The following SNED1 variants were observed in gnomAD, a reference collection of about 807,000 sequenced individuals.
SNED1 encodes sushi, nidogen and EGF like domains 1, also known as sushi, nidogen and EGF-like domain-containing protein 1.
In SNED1, 81 loss-of-function variants were observed where a neutral mutation model predicts 166.7. The observed-to-expected ratio is 0.49, with a 90% CI of 0.41 to 0.58. The LOEUF (loss-of-function observed/expected upper bound fraction) is 0.58, where lower values mean the gene tolerates loss of function less well. SNED1 is among the 20% of genes least tolerant of loss of function. SNED1 has a pLI of 0.00. For missense variants in SNED1, 1,604 were observed against 2,000.2 expected (o/e 0.80, Z 3.78); for synonymous variants, 762 against 822.0 (o/e 0.93, Z 1.25).
intron 21 of SNED1, among the ~76,000 whole-genome samples, chr2:241,066,425 C>A (rs1179262663): frequency 6.6e-6 from 1 of 152,170 alleles, no homozygotes; most frequent in African/African-American, 2.4e-5. Flanking sequence ...TCCACGGAGC[C>A]CGGCCGCATC....
At position 241,040,084 on chromosome 2, in the gene SNED1, CCT is replaced by C. The variant is rs1377707975; in HGVS notation, c.1056_1057del (p.Cys353Ter). ...CACCTCCTCACTCTAGCCCAATCCC[CCT>C]GTGACACCAAAGAGTGTCAACATGG... On this transcript the variant is annotated frameshift_variant, in exon 7 of 32. Coordinates refer to ENST00000310397, the MANE Select transcript of SNED1 (RefSeq NM_001080437.3). LOFTEE classifies it high-confidence loss of function. The C allele has an allele frequency of 6.3e-7, 1 of 1,582,584 alleles. No homozygotes were observed. The highest frequency in any genetic ancestry group is 8.6e-7 in the Non-Finnish European group (1 of 1,163,948).
At position 241,069,857 on chromosome 2, in the gene SNED1, C is replaced by T. The variant is rs963955517; in HGVS notation, c.3308-63C>T. On this transcript the variant is annotated intron_variant, in intron 23 of 31. Coordinates refer to ENST00000310397, the MANE Select transcript of SNED1 (RefSeq NM_001080437.3). This position sits in a 1 kb window ranked among gnomAD's most constrained non-coding sequence, Gnocchi z 4.9. ...GGCAGCCCATGTCCGGTTCTCAAACCGTGTTCTTGCCAGAAGACCCTGTGG... is the reference window on the plus strand; with the variant it reads ...GGCAGCCCATGTCCGGTTCTCAAACTGTGTTCTTGCCAGAAGACCCTGTGG... 30 of 1,560,344 alleles carry T rather than the reference C, an allele frequency of 1.9e-5. No homozygotes were observed. The highest frequency in any genetic ancestry group is 2.7e-5 in the African/African-American group (2 of 73,694).
At chr2:240,997,789 G>A (rs1316786815), upstream of SNED1, among the ~76,000 whole-genome samples, 3 of 152,132 alleles carry the variant, frequency 2.0e-5, no homozygotes, top group African/African-American at 7.2e-5. Context: ...ACGGTGGGCC[G>A]GGTGAGTTCC....
intron 31 of SNED1, chr2:241,088,707 T>G (rs1228365046): frequency 1.3e-5 from 5 of 398,022 alleles, no homozygotes; most frequent in African/African-American, 2.1e-5. Context: ...CTAGATCAGC[T>G]GCAGTGGGAG....
intron 1 of SNED1, among the ~76,000 whole-genome samples, chr2:241,012,874 C>T (rs1297181035): frequency 1.4e-5 from 2 of 141,512 alleles, no homozygotes; most frequent in Non-Finnish European, 3.0e-5. Flanking sequence ...CTCGCTCTTT[C>T]GCCCAGGCTG....
In SNED1 at chr2:241,049,073, A is replaced by G. The variant is rs777687606; in HGVS notation, c.1556A>G (p.Tyr519Cys). 3 of 1,613,636 alleles carry G rather than the reference A, an allele frequency of 1.9e-6. No individual in the cohort carries two copies. The highest frequency in any genetic ancestry group is 2.7e-5 in the African/African-American group (2 of 74,940). The change falls in exon 11 of 32, where the codon TAC becomes TGC. Residue 519 changes from tyrosine (Y) to cysteine (C), a missense_variant. By Grantham distance (194) the Tyr-to-Cys change is radical. This residue lies in a region of SNED1 where 1,237 missense variants were observed against 1,620.8 expected (regional missense o/e 0.76). Coordinates refer to ENST00000310397, the MANE Select transcript of SNED1 (RefSeq NM_001080437.3). The stretch of plus-strand genomic sequence containing the variant: ...AACACACAGTGCCCAGATGGGGGCT[A>G]CTGCATGGAGCACGGCGGGAGCTAC... ...NMNTQCPDGGYCMEHGGSYLC... is the reference protein window; with the variant it reads ...NMNTQCPDGGCCMEHGGSYLC...
intron 2 of SNED1, among the ~76,000 whole-genome samples, chr2:241,030,902 T>G (rs1318350456): frequency 6.6e-6 from 1 of 152,226 alleles, no homozygotes; most frequent in African/African-American, 2.4e-5. Flanking sequence ...TTTATACCCT[T>G]CCTTGATAAT....
Position 241,033,719 on chromosome 2 carries a change from C to G in SNED1, c.502-16C>G, listed in dbSNP as rs370729352. 1 of 1,607,440 alleles carries G rather than the reference C, an allele frequency of 6.2e-7. No homozygotes were observed. Among genetic ancestry groups the G allele is most frequent in the Non-Finnish European group, 8.5e-7 (1 of 1,177,618 alleles). On this transcript the variant is annotated splice_polypyrimidine_tract_variant and intron_variant, in intron 2 of 31. Transcript: ENST00000310397. ...AGGGGAGTGCAGGGCCCTGTTCAGCCCCCTCTCCCCGGCAGGTCAACACAT... is the reference window on the plus strand; with the variant it reads ...AGGGGAGTGCAGGGCCCTGTTCAGCGCCCTCTCCCCGGCAGGTCAACACAT...
At chr2:241,006,102 G>A (rs2060215081) in intron 1 of SNED1, among the ~76,000 whole-genome samples, 1 of 151,990 alleles carries the variant, frequency 6.6e-6, no homozygotes, top group Non-Finnish European at 1.5e-5. Flanking sequence ...TTTTTTGCCT[G>A]TCCTTCATTT....
In SNED1 at chr2:241,049,837, T is replaced by C. The variant is rs1350779033; in HGVS notation, c.1639T>C (p.Ser547Pro). 1 of 1,613,660 alleles carries C rather than the reference T, an allele frequency of 6.2e-7. No homozygotes were observed. The highest frequency in any genetic ancestry group is 8.5e-7 in the Non-Finnish European group (1 of 1,179,766). The change falls in exon 12 of 32, where the codon TCG (serine) becomes CCG (proline). Residue 547 changes from serine to proline, a missense_variant. Coordinates refer to ENST00000310397, the MANE Select transcript of SNED1 (RefSeq NM_001080437.3). ...ASHSLPSPCD[S>P]DPCFNGGSCD... Reference sequence around the variant, plus strand: ...CCCAGCCCTGCCATCACCCTGCGACTCGGACCCCTGCTTCAACGGAGGCTC... The same window carrying C: ...CCCAGCCCTGCCATCACCCTGCGACCCGGACCCCTGCTTCAACGGAGGCTC...
chr2:241,011,400 C>T (rs2060397519), intron 1 of SNED1, among the ~76,000 whole-genome samples: 1 of 152,014 alleles, frequency 6.6e-6, no homozygotes, highest in Admixed American at 6.5e-5. Context: ...CCCCAGACCC[C>T]AGCAGACAAA....
In SNED1 at chr2:241,094,041, G is replaced by A; in HGVS notation, c.*2405G>A. ...GGGTACAACAACAGCCTAGGTTCTA[G>A]GGAGGGTGGCAGTGACCGGGATGCC... is the stretch of plus-strand genomic sequence containing the variant. On this transcript the variant is annotated 3_prime_UTR_variant, in exon 32 of 32. Transcript: ENST00000310397. The surrounding 1 kb of genome is among the most constrained non-coding windows in gnomAD (Gnocchi z 4.3). The A allele has an allele frequency of 9.4e-6, 3 of 320,324 alleles. No homozygotes were observed. The highest frequency in any genetic ancestry group is 1.8e-5 in the Non-Finnish European group (3 of 162,662). The allele number at this position is 320,324 out of a possible 1,614,324, so 19.8% of individuals were successfully genotyped here.
rs1479888040 is a variant in SNED1 at position 241,068,250 on chromosome 2, T to G, written c.3194+303T>G. 6.6e-6 allele frequency among the ~76,000 whole-genome samples: 1 copy of G among 152,034 alleles called. No individual in the cohort carries two copies. The highest frequency in any genetic ancestry group is 1.5e-5 in the Non-Finnish European group (1 of 68,002). ...TTTCCACACAGATCATGAGAGTGAC[T>G]TGGCCCCTCAGAGAGCAGCGGCCAG... On this transcript the variant is annotated intron_variant, in intron 22 of 31. Coordinates refer to ENST00000310397, the MANE Select transcript of SNED1 (RefSeq NM_001080437.3). This position sits in a 1 kb window ranked among gnomAD's most constrained non-coding sequence, Gnocchi z 5.3.
rs1169865119 is a variant in SNED1, at chr2:241,073,502, G to A, written c.3916+138G>A. 2.8e-6 allele frequency: 2 copies of A among 725,476 alleles called. No homozygotes were observed. Among genetic ancestry groups the A allele is most frequent in the Admixed American group, 4.3e-5 (2 of 46,934 alleles). 44.9% of individuals were successfully genotyped at this position (725,476 alleles called of 1,614,324 possible). A position where few individuals can be genotyped will look rare whatever the true frequency, so the allele number is the denominator to read the frequency against. On this transcript the variant is annotated intron_variant, in intron 27 of 31. Transcript: ENST00000310397. The surrounding 1 kb of genome is among the most constrained non-coding windows in gnomAD (Gnocchi z 6.6). ...TACCTGAGGGGAGGCTGAGCACCAG[G>A]CACCCCGGTGTGGGAAGATGGGGTG...
intron 20 of SNED1, 68 bp from the exon 21 acceptor site, chr2:241,065,231 C>A: frequency 6.5e-7 from 1 of 1,539,228 alleles, no homozygotes. Context: ...GAGCCGCCGA[C>A]GGGAGCCAGG....
chr2:241,037,967 G>A (rs560540176), intron 6 of SNED1, among the ~76,000 whole-genome samples: 133 of 152,202 alleles, frequency 8.7e-4, no homozygotes, highest in African/African-American at 2.8e-3. Context: ...CAGCTCTTTC[G>A]AAGCAGTTGT....
chr2:241,083,286 C>G (rs2063419227), intron 29 of SNED1, among the ~76,000 whole-genome samples: 1 of 152,154 alleles, frequency 6.6e-6, no homozygotes, highest in Non-Finnish European at 1.5e-5. Context: ...AGGAGTGTCC[C>G]TGGCATGTTG....
Position 241,069,775 on chromosome 2 carries a change from C to T in SNED1, c.3308-145C>T. On this transcript the variant is annotated intron_variant, in intron 23 of 31. Coordinates refer to ENST00000310397, the MANE Select transcript of SNED1 (RefSeq NM_001080437.3). The surrounding 1 kb of genome is among the most constrained non-coding windows in gnomAD (Gnocchi z 4.9). ...TGTGCTGTACGTGCCAGCCCACACCCCGCCTCGGCACTGTACCATTCTCCA... is the reference window on the plus strand; with the variant it reads ...TGTGCTGTACGTGCCAGCCCACACCTCGCCTCGGCACTGTACCATTCTCCA... The T allele has an allele frequency of 1.1e-6, 1 of 934,356 alleles. No individual in the cohort carries two copies. Among genetic ancestry groups the T allele is most frequent in the Non-Finnish European group, 1.6e-6 (1 of 636,520 alleles). The allele number at this position is 934,356 out of a possible 1,614,324, so 57.9% of individuals were successfully genotyped here. A position where few individuals can be genotyped will look rare whatever the true frequency, so the allele number is the denominator to read the frequency against.
intron 1 of SNED1, among the ~76,000 whole-genome samples, chr2:241,020,382 C>A (rs2124904993): frequency 6.6e-6 from 1 of 152,372 alleles, no homozygotes; most frequent in Middle Eastern, 3.4e-3. Context: ...CGCCATTGGG[C>A]TCCAGCTTAG....
Sources: allele counts gnomAD v4.1 joint callset (sites outside exome capture counted in the v4.1 genomes callset), GRCh38; gene constraint gnomAD v4.1.1; regional missense constraint gnomAD v4.1.1; non-coding constraint Gnocchi (gnomAD v3.1); transcripts MANE v1.5; gene names NCBI Gene and HGNC (gene_info 2026-07-23, HGNC 2026-07-21).